The following IPO8 variants were observed in gnomAD, a reference collection of about 807,000 sequenced individuals.
IPO8 encodes the protein importin-8.
Under a neutral mutation model 141.2 loss-of-function variants are expected in IPO8, and 65 were observed. That is an observed-to-expected ratio of 0.46 (90% CI 0.38 to 0.57). The LOEUF (loss-of-function observed/expected upper bound fraction) is 0.57, where lower values mean the gene tolerates loss of function less well. Ranked by LOEUF, IPO8 falls within the 20% of genes least tolerant of loss-of-function variation. The pLI is 0.00. For synonymous variants in IPO8, 411 were observed against 420.3 expected (o/e 0.98, Z 0.27); for missense variants, 980 against 1,246.8 (o/e 0.79, Z 3.22).
chr12:30,659,766 A>G (rs1443256405), intron 16 of IPO8, among the ~76,000 whole-genome samples: 1 of 150,954 alleles, frequency 6.6e-6, no homozygotes, highest in African/African-American at 2.4e-5. Flanking sequence ...GAGGCAGGAG[A>G]ATGGCGTGAA....
chr12:30,693,116 C>T (rs1354292933), intron 1 of IPO8, among the ~76,000 whole-genome samples: 1 of 152,122 alleles, frequency 6.6e-6, no homozygotes, highest in Non-Finnish European at 1.5e-5. Context: ...TATTTCCCTA[C>T]CGAGGCCATG....
rs747238508 is a variant in IPO8, at chr12:30,681,794, C to T, written c.347G>A (p.Arg116His). The T allele has an allele frequency of 5.6e-6, 9 of 1,613,088 alleles. No individual in the cohort carries two copies. Among genetic ancestry groups the T allele is most frequent in the East Asian group, 2.2e-5 (1 of 44,854 alleles). The change falls in exon 4 of 25, where the codon CGT (arginine) becomes CAT (histidine). Residue 116 changes from arginine to histidine, a missense_variant. Transcript: ENST00000256079. ...LVRVQLTMCL[R>H]AIIKHDFPGH... ...AGGAAAATCATGTTTTATGATGGCA[C>T]GGAGACACATTGTTAATTGGACTCT...
chr12:30,632,314 A>ACTCACTTG (rs2052444460), intron 23 of IPO8, among the ~76,000 whole-genome samples: 1 of 152,102 alleles, frequency 6.6e-6, no homozygotes, highest in Admixed American at 6.6e-5. Context: ...GAACACCAGT[A>ACTCACTTG]CTCACTTGTT....
chr12:30,631,026 ACT>A (rs1434265663), intron 24 of IPO8, 69 bp from the exon 25 acceptor site: 4 of 1,163,412 alleles, frequency 3.4e-6, no homozygotes, highest in Non-Finnish European at 5.0e-6. Flanking sequence ...GTTGGAGATG[ACT>A]CAAAGGAGCC....
At chr12:30,662,732 C>T (rs1330049950) in intron 14 of IPO8, among the ~76,000 whole-genome samples, 2 of 152,006 alleles carry the variant, frequency 1.3e-5, no homozygotes, top group African/African-American at 4.8e-5. Flanking sequence ...GAAACTATCC[C>T]AAAATACTAA....
chr12:30,684,050 A>G (rs1411708154), intron 3 of IPO8, among the ~76,000 whole-genome samples: 1 of 152,216 alleles, frequency 6.6e-6, no homozygotes, highest in Non-Finnish European at 1.5e-5. Flanking sequence ...TTGGTTAAGT[A>G]TCATTTTTTT....
intron 20 of IPO8, among the ~76,000 whole-genome samples, chr12:30,647,109 C>G (rs1371985146): frequency 6.6e-6 from 1 of 152,138 alleles, no homozygotes; most frequent in African/African-American, 2.4e-5. Flanking sequence ...GGAATAAGAA[C>G]AGATAAGTAC....
At chr12:30,661,404 A>ATC in intron 15 of IPO8, 138 bp from the exon 16 acceptor site, 1 of 586,796 alleles carries the variant, frequency 1.7e-6, no homozygotes, top group Non-Finnish European at 2.7e-6. Flanking sequence ...TGCTGACTGA[A>ATC]TCATCTCTCT....
chr12:30,664,986 C>A (rs184733036), intron 13 of IPO8, among the ~76,000 whole-genome samples: 42 of 152,260 alleles, frequency 2.8e-4, no homozygotes, highest in African/African-American at 9.4e-4. Flanking sequence ...GTGATCCGCC[C>A]ACCTCAGCCT....
At position 30,674,679 on chromosome 12, in the gene IPO8, A is replaced by C. The variant is rs2053095196; in HGVS notation, c.804T>G (p.Ile268Met). 1 of 1,612,396 alleles carries C rather than the reference A, an allele frequency of 6.2e-7. No homozygotes were observed. The highest frequency in any genetic ancestry group is 8.5e-7 in the Non-Finnish European group (1 of 1,178,502). Residue 268 changes from isoleucine to methionine, a missense_variant, in exon 7 of 25, where the codon ATT becomes ATG. Ile to Met is a conservative substitution (Grantham distance 10). Transcript: ENST00000256079. ...WWKCKKWALH[I>M]VARLFERYGS... is the part of the protein sequence containing the mutation. ...ATTACCGTTCAAAGAGCCGAGCTACAATATGCAGTGCCCACTTCTTACACT... is the reference window on the plus strand; with the variant it reads ...ATTACCGTTCAAAGAGCCGAGCTACCATATGCAGTGCCCACTTCTTACACT...
intron 16 of IPO8, among the ~76,000 whole-genome samples, chr12:30,658,356 G>C (rs1284580127): frequency 2.6e-5 from 4 of 152,220 alleles, no homozygotes; most frequent in Admixed American, 2.6e-4. Flanking sequence ...TTGGTCAAGA[G>C]ACGAAGATTC....
intron 20 of IPO8, among the ~76,000 whole-genome samples, chr12:30,648,877 T>C (rs1204430388): frequency 6.9e-6 from 1 of 144,356 alleles, no homozygotes; most frequent in Non-Finnish European, 1.5e-5. Flanking sequence ...CTGAGTAGAA[T>C]TTATACGTTT....
intron 1 of IPO8, among the ~76,000 whole-genome samples, chr12:30,693,428 T>C (rs2053309521): frequency 6.6e-6 from 1 of 152,200 alleles, no homozygotes; most frequent in Non-Finnish European, 1.5e-5. Context: ...GTGCAGAAGC[T>C]GCTTATTTTT....
intron 19 of IPO8, among the ~76,000 whole-genome samples, chr12:30,650,594 T>G (rs2136138261): frequency 6.6e-6 from 1 of 152,220 alleles, no homozygotes; most frequent in Admixed American, 6.5e-5. Flanking sequence ...AAACGTTACT[T>G]AACCTCTTTT....
chr12:30,676,566 C>G lies in IPO8; in HGVS notation c.661G>C (p.Val221Leu). The change falls in exon 6 of 25, where the codon GTG becomes CTG. Residue 221 changes from valine to leucine, a missense_variant. By Grantham distance (32) the Val-to-Leu change is conservative. Transcript: ENST00000256079. ...LVQYALPLQL[V>L]NNQTMTTWME... ...CATGTTGTCATGGTTTGGTTATTCA[C>G]TAGCTGAAGAGGCAATGCATACTGG... The G allele has an allele frequency of 1.2e-6, 2 of 1,612,456 alleles. No homozygotes were observed. Among genetic ancestry groups the G allele is most frequent in the Non-Finnish European group, 1.7e-6 (2 of 1,178,672 alleles).
intron 15 of IPO8, 97 bp downstream of exon 15, chr12:30,662,230 C>T (rs988325382): frequency 2.2e-6 from 2 of 922,214 alleles, no homozygotes; most frequent in Non-Finnish European, 1.7e-6. Context: ...TTAAGCAGCA[C>T]ATGACTGTAC....
chr12:30,687,321 A>C (rs2053251433), intron 2 of IPO8, among the ~76,000 whole-genome samples: 2 of 152,330 alleles, frequency 1.3e-5, no homozygotes, highest in African/African-American at 4.8e-5. Flanking sequence ...GGCTGCTCTA[A>C]GACAGTTTTC....
intron 1 of IPO8, among the ~76,000 whole-genome samples, chr12:30,693,714 C>T (rs1359520042): frequency 6.6e-6 from 1 of 152,174 alleles, no homozygotes; most frequent in Non-Finnish European, 1.5e-5. Flanking sequence ...AACCTTAAAG[C>T]ATTTCACTAT....
Position 30,680,467 on chromosome 12 carries a change from G to A in IPO8, c.639+15C>T, listed in dbSNP as rs1263852651. 2 of 1,597,248 alleles carry A rather than the reference G, an allele frequency of 1.3e-6. No individual in the cohort carries two copies. The highest frequency in any genetic ancestry group is 2.3e-5 in the South Asian group (2 of 87,972). On this transcript the variant is annotated intron_variant, in intron 5 of 24. Coordinates refer to ENST00000256079, the MANE Select transcript of IPO8 (RefSeq NM_006390.4). ...ATACAGGACTCCATGTTTGTTTTCT[G>A]CAATAGAAACCTACCTGAACAAGTG...
Sources: allele counts gnomAD v4.1 joint callset (sites outside exome capture counted in the v4.1 genomes callset), GRCh38; gene constraint gnomAD v4.1.1; transcripts MANE v1.5; gene names NCBI Gene and HGNC (gene_info 2026-07-23, HGNC 2026-07-21).